Variants in ROS1 observed in about 807,000 individuals in gnomAD.
The protein encoded by ROS1 is proto-oncogene tyrosine-protein kinase ROS.
Under a neutral mutation model 273.5 loss-of-function variants are expected in ROS1, and 263 were observed. The observed-to-expected ratio is 0.96, with a 90% confidence interval of 0.87 to 1.06. The LOEUF (loss-of-function observed/expected upper bound fraction) is 1.06. ROS1 is among the 50% of genes least tolerant of loss of function. The pLI, the probability that ROS1 is intolerant of heterozygous loss-of-function variation, is 0.00. For synonymous variants in ROS1, 1,008 were observed against 954.1 expected, an observed-to-expected ratio of 1.06 and a Z score of -1.04; for missense variants, 2,833 against 2,751.1, an observed-to-expected ratio of 1.03 and a Z score of -0.67.
intron 14 of ROS1, 37 bp downstream of exon 14, chr6:117,387,743 G>T (rs1353425969): frequency 6.3e-7 from 1 of 1,584,244 alleles, no homozygotes; most frequent in Non-Finnish European, 8.6e-7. Context: ...TCCTCTTTTT[G>T]TGAGAGTCAC....
At chr6:117,412,622 A>G (rs977305842) in intron 4 of ROS1, among the ~76,000 whole-genome samples, 13 of 152,164 alleles carry the variant, frequency 8.5e-5, no homozygotes, top group Admixed American at 1.3e-4. Flanking sequence ...ATAGATAGAT[A>G]GATAGATAGA....
At chr6:117,360,273 GACACACACACACACACACAC>G (rs36181502) in intron 23 of ROS1, 49 bp downstream of exon 23, 1 of 682,686 alleles carries the variant, frequency 1.5e-6, no homozygotes, top group Non-Finnish European at 2.4e-6. Flanking sequence ...ACACCAATGG[GACACACACACACACACACAC>G]ACACACGCCT....
intron 27 of ROS1, among the ~76,000 whole-genome samples, chr6:117,348,501 T>C (rs1385351218): frequency 1.3e-5 from 2 of 151,988 alleles, no homozygotes; most frequent in African/African-American, 4.8e-5. Context: ...TAGAGGCTTA[T>C]CAATTTTATT....
rs1418491990 is a variant in ROS1, at chr6:117,309,014, G to T, written c.6417-86C>A. The T allele has an allele frequency of 3.8e-6, 5 of 1,315,416 alleles. No homozygotes were observed. In the Admixed American group the frequency reaches 5.9e-5, roughly 15 times the overall value. 81.5% of individuals were successfully genotyped at this position (1,315,416 alleles called of 1,614,324 possible). A position where few individuals can be genotyped will look rare whatever the true frequency, so the allele number is the denominator to read the frequency against. On this transcript the variant is annotated intron_variant, in intron 41 of 43. Transcript: ENST00000368507. ...TTTCTCCAACAACATTTTTCCTGGG[G>T]CTAGCAGGGTCTACTTTGTCAGTGT...
At chr6:117,384,892 G>C (rs1772436307) in intron 16 of ROS1, among the ~76,000 whole-genome samples, 1 of 152,188 alleles carries the variant, frequency 6.6e-6, no homozygotes, top group Non-Finnish European at 1.5e-5. Flanking sequence ...CATACATCTT[G>C]ATAGTGGCCA....
At chr6:117,352,880 T>G in intron 27 of ROS1, 110 bp downstream of exon 27, 4 of 932,002 alleles carry the variant, frequency 4.3e-6, no homozygotes, top group Non-Finnish European at 4.9e-6. Flanking sequence ...GGAGCAAGGA[T>G]GAGAGCACAA....
rs1220523953 is a variant in ROS1 at position 117,389,834 on chromosome 6, G to A, written c.1302C>T (p.Tyr434=). ...CTCTATAAATGCCATCTCTCAGGAG[G>A]TAAAAGACATACCTGACACAGGAAC... ...VADSYNGYVF[Y]LLRDGIYRAD... Residue 434 remains tyrosine (Y), a synonymous_variant, in exon 13 of 44, where the codon TAC becomes TAT. Coordinates refer to ENST00000368507, the MANE Select transcript of ROS1 (RefSeq NM_001378902.1). The A allele has an allele frequency of 1.9e-6, 3 of 1,605,168 alleles. No homozygotes were observed. Among genetic ancestry groups the A allele is most frequent in the East Asian group, 2.2e-5 (1 of 44,616 alleles).
At chr6:117,368,778 A>G (rs553679470) in intron 18 of ROS1, among the ~76,000 whole-genome samples, 24 of 149,714 alleles carry the variant, frequency 1.6e-4, no homozygotes, top group African/African-American at 5.9e-4. Context: ...CTAAATACAG[A>G]TCAAATATTT....
At chr6:117,316,298 GC>G (rs930529475) in intron 39 of ROS1, among the ~76,000 whole-genome samples, 57 of 111,652 alleles carry the variant, frequency 5.1e-4, no homozygotes, top group African/African-American at 1.6e-3. Context: ...CAAGATACAT[GC>G]GGGGCCTGAG....
At chr6:117,390,972 T>G (rs1222007821) in intron 12 of ROS1, among the ~76,000 whole-genome samples, 1 of 152,220 alleles carries the variant, frequency 6.6e-6, no homozygotes. Flanking sequence ...TTCGTGATTA[T>G]GGAGAAAGGT....
chr6:117,359,969 T>G lies in ROS1; in HGVS notation c.3473A>C (p.Lys1158Thr). 6.2e-7 allele frequency: 1 copy of G among 1,613,874 alleles called. No homozygotes were observed. The highest frequency in any genetic ancestry group is 1.1e-5 in the South Asian group (1 of 91,072). The change falls in exon 24 of 44, where the codon AAG becomes ACG. Residue 1158 changes from lysine to threonine, a missense_variant. Coordinates refer to ENST00000368507, the MANE Select transcript of ROS1 (RefSeq NM_001378902.1). ...TTGATCCATATCTAAAAAAACTATCTTGTTACCAAGAAGAGTTATGAGGTG... is the reference window on the plus strand; with the variant it reads ...TTGATCCATATCTAAAAAAACTATCGTGTTACCAAGAAGAGTTATGAGGTG... Reference protein sequence around the residue: ...FPHLITLLGNKIVFLDMDQNQ... With the variant: ...FPHLITLLGNTIVFLDMDQNQ...
At position 117,425,499 on chromosome 6, in the gene ROS1, T is replaced by C. The variant is rs764856316; in HGVS notation, c.123+35A>G. 3 of 1,555,032 alleles carry C rather than the reference T, an allele frequency of 1.9e-6. No individual in the cohort carries two copies. The Admixed American group carries it at 6.5e-5, about 34-fold the overall frequency. On this transcript the variant is annotated intron_variant, in intron 1 of 43. Coordinates refer to ENST00000368507, the MANE Select transcript of ROS1 (RefSeq NM_001378902.1). The stretch of plus-strand genomic sequence containing the variant: ...CAAGCTGAATGCTACATGTTCTAGT[T>C]CCTGCAAAGACAAATATTAGATTGT...
chr6:117,361,104 C>T (rs1015592036), intron 22 of ROS1, among the ~76,000 whole-genome samples: 8 of 152,172 alleles, frequency 5.3e-5, no homozygotes, highest in South Asian at 4.1e-4. Flanking sequence ...TGCACAATGA[C>T]GTATGTAGAA....
intron 42 of ROS1, among the ~76,000 whole-genome samples, chr6:117,308,555 A>G (rs1407438114): frequency 6.6e-6 from 1 of 152,132 alleles, no homozygotes. Flanking sequence ...TTACTTAACC[A>G]GAAGTATTTT....
In ROS1 at chr6:117,359,904, T is replaced by A; in HGVS notation, c.3538A>T (p.Ser1180Cys). The change falls in exon 24 of 44, where the codon AGT becomes TGT. Residue 1180 changes from serine (S) to cysteine (C), a missense_variant. Physicochemically the swap from Ser to Cys is moderately radical, Grantham distance 112. Transcript: ENST00000368507. ...TTATCAGCTGTGTAGCAAACGGCACTGATAACTCTTTCTGCTGAAAACGTC... is the reference window on the plus strand; with the variant it reads ...TTATCAGCTGTGTAGCAAACGGCACAGATAACTCTTTCTGCTGAAAACGTC... Reference protein sequence around the residue: ...VWTFSAERVISAVCYTADNEM... With the variant: ...VWTFSAERVICAVCYTADNEM... 1.9e-6 allele frequency: 3 copies of A among 1,613,938 alleles called. No homozygotes were observed. Among genetic ancestry groups the A allele is most frequent in the Non-Finnish European group, 2.5e-6 (3 of 1,179,844 alleles).
At chr6:117,404,025 A>C (rs1774175546) in intron 6 of ROS1, among the ~76,000 whole-genome samples, 1 of 152,200 alleles carries the variant, frequency 6.6e-6, no homozygotes, top group South Asian at 2.1e-4. Context: ...TCACGAGGTC[A>C]GGAGATGAGA....
chr6:117,320,450 G>A (rs1399053157), intron 36 of ROS1, among the ~76,000 whole-genome samples: 2 of 151,932 alleles, frequency 1.3e-5, no homozygotes, highest in Non-Finnish European at 2.9e-5. Flanking sequence ...GACATCTTAC[G>A]TAAAACAAAA....
At chr6:117,301,396 T>C (rs532179236) in intron 42 of ROS1, 1 of 299,420 alleles carries the variant, frequency 3.3e-6, no homozygotes, top group African/African-American at 2.2e-5. Flanking sequence ...GATGGATAAG[T>C]AGATGGTGGG....
chr6:117,357,723 T>C (rs1779441242), intron 25 of ROS1, 81 bp downstream of exon 25: 1 of 929,584 alleles, frequency 1.1e-6, no homozygotes, highest in Non-Finnish European at 1.6e-6. Context: ...AATTGTCTTC[T>C]ACTATTAAAC....
Sources: gnomAD v4.1 joint callset for allele counts (sites outside exome capture counted in the v4.1 genomes callset) on GRCh38, gnomAD v4.1.1 for gene constraint, MANE v1.5 for transcripts, NCBI Gene and HGNC (gene_info 2026-07-23, HGNC 2026-07-21) for gene names.